KIF13B: variants seen among roughly 807,000 people sequenced by gnomAD.
The protein encoded by KIF13B is kinesin-like protein KIF13B.
In KIF13B, 127 loss-of-function variants were observed where a neutral mutation model predicts 222.0. The observed-to-expected ratio is 0.57, with a 90% CI of 0.50 to 0.66. KIF13B has a LOEUF of 0.66. KIF13B is among the 30% of genes least tolerant of loss of function. KIF13B has a pLI of 0.00. For synonymous variants in KIF13B, 976 were observed against 919.0 expected (o/e 1.06, Z -1.12); for missense variants, 2,173 against 2,379.0 (o/e 0.91, Z 1.80).
Position 29,245,333 on chromosome 8 carries a change from T to G in KIF13B, c.149+13A>C. On this transcript the variant is annotated intron_variant, in intron 2 of 39. Coordinates refer to ENST00000524189, the MANE Select transcript of KIF13B (RefSeq NM_015254.4). ...TAAACATCCATTGAGCACAGCACTG[T>G]TTCTTAACTCACCGGGCATCTCCTT... 6.4e-7 allele frequency: 1 copy of G among 1,564,128 alleles called. No individual in the cohort carries two copies. The highest frequency in any genetic ancestry group is 1.3e-5 in the African/African-American group (1 of 74,202).
At chr8:29,186,514 CGTTA>C in intron 5 of KIF13B, 42 bp from the exon 6 acceptor site, 2 of 1,512,230 alleles carry the variant, frequency 1.3e-6, no homozygotes, top group Non-Finnish European at 1.8e-6. Context: ...CTCTTTGAGA[CGTTA>C]AATACATAAC....
intron 2 of KIF13B, among the ~76,000 whole-genome samples, chr8:29,224,445 T>C (rs547366640): frequency 1.3e-5 from 2 of 152,328 alleles, no homozygotes; most frequent in South Asian, 4.1e-4. Flanking sequence ...AATAATTGCT[T>C]CAACTTCAAA....
chr8:29,072,008 G>C lies in KIF13B; in HGVS notation c.4830C>G (p.Pro1610=), dbSNP rs1029750377. 9 of 1,292,498 alleles carry C rather than the reference G, an allele frequency of 7.0e-6. No individual in the cohort carries two copies. The African/African-American group carries it at 1.4e-4, about 20-fold the overall frequency. 80.1% of individuals were successfully genotyped at this position (1,292,498 alleles called of 1,614,324 possible). Residue 1610 remains proline, a synonymous_variant, in exon 39 of 40, where the codon CCC becomes CCG. Coordinates refer to ENST00000524189, the MANE Select transcript of KIF13B (RefSeq NM_015254.4). Reference sequence around the variant, plus strand: ...CGGCGGGGACGGCCGTGGGCGGTGGGGGGTGGCTGATGGGCGCCTCGGGCT... The same window carrying C: ...CGGCGGGGACGGCCGTGGGCGGTGGCGGGTGGCTGATGGGCGCCTCGGGCT... ...EAEPEAPISH[P]PPPTAVPAEE...
chr8:29,099,395 A>G (rs1563698826), intron 35 of KIF13B, among the ~76,000 whole-genome samples, 154 bp from the exon 36 acceptor site: 3 of 152,296 alleles, frequency 2.0e-5, no homozygotes, highest in African/African-American at 7.2e-5. Context: ...TTCTATTTTA[A>G]GAGACAGAGT....
rs146456693 is a variant in KIF13B at position 29,119,106 on chromosome 8, T to G, written c.3536-114A>C. On this transcript the variant is annotated intron_variant, in intron 29 of 39. Coordinates refer to ENST00000524189, the MANE Select transcript of KIF13B (RefSeq NM_015254.4). ...TCTGCTTCAAATTTCATTTGCTTTT[T>G]GCTCTGAAATCTTACATGACACTGA... The G allele has an allele frequency of 7.1e-4, 808 of 1,141,818 alleles. 4 individuals carry two copies. The African/African-American group carries it at 0.011, about 16-fold the overall frequency. 70.7% of individuals were successfully genotyped at this position (1,141,818 alleles called of 1,614,324 possible).
intron 36 of KIF13B, among the ~76,000 whole-genome samples, chr8:29,095,199 T>C (rs762013677): frequency 1.6e-4 from 24 of 152,276 alleles, no homozygotes; most frequent in Middle Eastern, 6.8e-3. Flanking sequence ...CAAATCATAG[T>C]ACAGTTACCA....
chr8:29,193,029 C>A (rs892865113), intron 3 of KIF13B, among the ~76,000 whole-genome samples: 1 of 152,234 alleles, frequency 6.6e-6, no homozygotes, highest in Non-Finnish European at 1.5e-5. Flanking sequence ...TGGCAGCAAC[C>A]GAGAGGACGA....
chr8:29,245,651 C>T (rs1815989103), intron 1 of KIF13B, among the ~76,000 whole-genome samples: 1 of 152,192 alleles, frequency 6.6e-6, no homozygotes, highest in African/African-American at 2.4e-5. Flanking sequence ...GGCAGCTTCC[C>T]ACCCTACATC....
upstream of KIF13B, chr8:29,263,170 T>C: frequency 1.4e-6 from 1 of 723,044 alleles, no homozygotes; most frequent in African/African-American, 1.9e-5. Flanking sequence ...CGGCGCGAGC[T>C]CCGGGCGCTC....
At chr8:29,126,390 T>A (rs1810110527) in intron 26 of KIF13B, 92 bp downstream of exon 26, 1 of 836,972 alleles carries the variant, frequency 1.2e-6, no homozygotes, top group Non-Finnish European at 1.9e-6. Flanking sequence ...AATTGTTTAA[T>A]CCTTAAATAA....
chr8:29,093,026 T>A, intron 36 of KIF13B, 148 bp from the exon 37 acceptor site: 1 of 744,160 alleles, frequency 1.3e-6, no homozygotes, highest in Non-Finnish European at 2.1e-6. Flanking sequence ...AGTATTATTG[T>A]AGTTTACATA....
chr8:29,144,307 C>T (rs147747267), intron 18 of KIF13B, among the ~76,000 whole-genome samples: 1 of 152,008 alleles, frequency 6.6e-6, no homozygotes, highest in Admixed American at 6.6e-5. Flanking sequence ...GTCGCCCAGG[C>T]TGGGGTGCAG....
Position 29,155,775 on chromosome 8 carries a change from C to G in KIF13B, c.1486G>C (p.Asp496His). The G allele has an allele frequency of 6.2e-7, 1 of 1,602,188 alleles. No homozygotes were observed. Among genetic ancestry groups the G allele is most frequent in the Non-Finnish European group, 8.5e-7 (1 of 1,173,512 alleles). The change falls in exon 14 of 40, where the codon GAC becomes CAC. Residue 496 changes from aspartate (D) to histidine (H), a missense_variant. Coordinates refer to ENST00000524189, the MANE Select transcript of KIF13B (RefSeq NM_015254.4). ...ATAACCTGGCCTTCTGACGTGATGT[C>G]TATAATACAGTGTTCAGGAAGAATT... ...MGILPEHCIIDITSEGQVMLT... is the reference protein window; with the variant it reads ...MGILPEHCIIHITSEGQVMLT...
At chr8:29,084,303 G>C (rs1004461436) in intron 37 of KIF13B, among the ~76,000 whole-genome samples, 3 of 152,206 alleles carry the variant, frequency 2.0e-5, no homozygotes, top group Non-Finnish European at 4.4e-5. Flanking sequence ...AAAGAAGTAT[G>C]TTAGCTCAAA....
At chr8:29,078,380 T>C (rs1273398746) in intron 37 of KIF13B, among the ~76,000 whole-genome samples, 1 of 152,012 alleles carries the variant, frequency 6.6e-6, no homozygotes, top group African/African-American at 2.4e-5. Flanking sequence ...GAAGGGGGCT[T>C]TTGGCACAGG....
At chr8:29,162,264 T>C (rs919985752) in intron 12 of KIF13B, among the ~76,000 whole-genome samples, 2 of 152,214 alleles carry the variant, frequency 1.3e-5, no homozygotes, top group Non-Finnish European at 2.9e-5. Context: ...GCAGCATAAT[T>C]AAAATAAAGT....
chr8:29,202,901 C>T (rs1813761878), intron 2 of KIF13B, among the ~76,000 whole-genome samples: 1 of 152,032 alleles, frequency 6.6e-6, no homozygotes, highest in South Asian at 2.1e-4. Context: ...ACCATTCCCC[C>T]TAGCAATTCT....
At chr8:29,094,458 G>A (rs1808433107) in intron 36 of KIF13B, among the ~76,000 whole-genome samples, 1 of 152,132 alleles carries the variant, frequency 6.6e-6, no homozygotes, top group Admixed American at 6.6e-5. Flanking sequence ...TAACACGTAT[G>A]GTAAGCAAAA....
intron 2 of KIF13B, among the ~76,000 whole-genome samples, chr8:29,240,593 C>T (rs773662310): frequency 6.6e-6 from 1 of 152,116 alleles, no homozygotes; most frequent in Non-Finnish European, 1.5e-5. Context: ...TTTTTCAAAA[C>T]CTTGTTTTAA....
Sources: gnomAD v4.1 joint callset for allele counts (sites outside exome capture counted in the v4.1 genomes callset) on GRCh38, gnomAD v4.1.1 for gene constraint, MANE v1.5 for transcripts, NCBI Gene and HGNC (gene_info 2026-07-23, HGNC 2026-07-21) for gene names.